TRRAP: variants seen among roughly 807,000 people sequenced by gnomAD.
TRRAP encodes transformation/transcription domain associated protein, also known as transformation/transcription domain-associated protein.
Under a neutral mutation model 438.8 loss-of-function variants are expected in TRRAP, and 41 were observed. The ratio of observed to expected loss-of-function variants is 0.09; its 90% CI spans 0.07 to 0.12. The LOEUF (loss-of-function observed/expected upper bound fraction) is 0.12, where lower values mean the gene tolerates loss of function less well. TRRAP is among the 10% of genes least tolerant of loss of function. The pLI is 1.00. For synonymous variants in TRRAP, 1,994 were observed against 1,962.9 expected, an observed-to-expected ratio of 1.02 and a Z score of -0.42; for missense variants, 3,122 against 5,055.1, an observed-to-expected ratio of 0.62 and a Z score of 11.60.
chr7:98,975,963 A>T, intron 53 of TRRAP, 186 bp from the exon 54 acceptor site: 1 of 740,644 alleles, frequency 1.4e-6, no homozygotes, highest in Non-Finnish European at 2.1e-6. Flanking sequence ...TAAGTGCACC[A>T]TGGCTTCCCA....
At chr7:98,890,862 C>A (rs1464632940) in intron 4 of TRRAP, among the ~76,000 whole-genome samples, 2 of 140,224 alleles carry the variant, frequency 1.4e-5, no homozygotes, top group African/African-American at 2.6e-5. Context: ...CCAATCGTAG[C>A]TCACTGCAGC....
At chr7:98,990,334 A>T (rs1411986553) in intron 63 of TRRAP, 121 bp from the exon 64 acceptor site, 1 of 996,450 alleles carries the variant, frequency 1.0e-6, no homozygotes, top group African/African-American at 1.6e-5. Context: ...CTGCTTATAG[A>T]TACTTTTTTT....
chr7:98,906,838 C>T (rs1404002113), intron 13 of TRRAP, among the ~76,000 whole-genome samples: 1 of 152,010 alleles, frequency 6.6e-6, no homozygotes, highest in Non-Finnish European at 1.5e-5. Flanking sequence ...AAAACTTTAT[C>T]TGACTTTATT....
chr7:98,899,968 C>G (rs1292044688), intron 10 of TRRAP, among the ~76,000 whole-genome samples: 3 of 152,184 alleles, frequency 2.0e-5, no homozygotes, highest in African/African-American at 7.2e-5. Flanking sequence ...GAGATAATAG[C>G]TCGTATTCTG....
In TRRAP at chr7:98,992,321, C is replaced by G. The variant is rs542556177; in HGVS notation, c.9847+94C>G. 65 of 1,299,646 alleles carry G rather than the reference C, an allele frequency of 5.0e-5. No homozygotes were observed. The East Asian group carries it at 5.1e-4, about 10-fold the overall frequency. The allele number at this position is 1,299,646 out of a possible 1,614,324, so 80.5% of individuals were successfully genotyped here. Reference sequence around the variant, plus strand: ...ACAGACCACCGCAGCCACCCCTGCCCTGCAGCTCACTCATAGCCGTGGCCA... The same window carrying G: ...ACAGACCACCGCAGCCACCCCTGCCGTGCAGCTCACTCATAGCCGTGGCCA... On this transcript the variant is annotated intron_variant, in intron 65 of 72. Coordinates refer to ENST00000456197, the MANE Select transcript of TRRAP (RefSeq NM_001375524.1).
Position 98,964,783 on chromosome 7 carries a change from G to A in TRRAP, c.6976+8G>A. ...GCACCGAAGCCACCTCAGGTGATGT[G>A]CTGGCCACCGGGGGCCTTTCCTCAG... On this transcript the variant is annotated splice_region_variant and intron_variant, in intron 48 of 72. Coordinates refer to ENST00000456197, the MANE Select transcript of TRRAP (RefSeq NM_001375524.1). 6.2e-7 allele frequency: 1 copy of A among 1,609,644 alleles called. No individual in the cohort carries two copies. The highest frequency in any genetic ancestry group is 8.5e-7 in the Non-Finnish European group (1 of 1,177,654).
At chr7:98,986,610 C>G (rs1793160995) in intron 62 of TRRAP, among the ~76,000 whole-genome samples, 1 of 152,150 alleles carries the variant, frequency 6.6e-6, no homozygotes. Flanking sequence ...AAGTCTCTTG[C>G]AGATATATGA....
At chr7:98,966,938 T>G in intron 49 of TRRAP, 103 bp from the exon 50 acceptor site, 9 of 1,255,992 alleles carry the variant, frequency 7.2e-6, no homozygotes, top group Non-Finnish European at 8.8e-6. Flanking sequence ...TGTTTAGGAA[T>G]GACCTTGTCT....
At chr7:99,006,317 T>A (rs956404736) in intron 69 of TRRAP, among the ~76,000 whole-genome samples, 1 of 152,242 alleles carries the variant, frequency 6.6e-6, no homozygotes, top group African/African-American at 2.4e-5. Context: ...TCAGCCCCTT[T>A]TGACCTGAAA....
chr7:98,880,262 GT>G (rs201053093), intron 1 of TRRAP, among the ~76,000 whole-genome samples: 23,210 of 131,892 alleles, frequency 0.18, 4,906 homozygotes, highest in African/African-American at 0.52. Context: ...TGTTGTTGTT[GT>G]TTTTTTTTTT....
Position 98,917,626 on chromosome 7 carries a change from C to G in TRRAP, c.2569C>G (p.Gln857Glu). ...RTLELCVDNL[Q>E]PDFLYDHIQP... Reference sequence around the variant, plus strand: ...GCTGGAGCTGTGTGTGGACAACCTGCAGCCCGACTTCCTCTACGACCACAT... The same window carrying G: ...GCTGGAGCTGTGTGTGGACAACCTGGAGCCCGACTTCCTCTACGACCACAT... Residue 857 changes from glutamine (Q) to glutamate (E), a missense_variant, in exon 20 of 73, where the codon CAG (glutamine) becomes GAG (glutamate). This residue lies in a region of TRRAP where 20 missense variants were observed against 100.7 expected (regional missense o/e 0.20). Transcript: ENST00000456197. 6.2e-7 allele frequency: 1 copy of G among 1,614,212 alleles called. No homozygotes were observed. The highest frequency in any genetic ancestry group is 8.5e-7 in the Non-Finnish European group (1 of 1,180,050).
chr7:98,951,646 C>T (rs1584352313), intron 39 of TRRAP, among the ~76,000 whole-genome samples: 2 of 152,328 alleles, frequency 1.3e-5, no homozygotes, highest in Non-Finnish European at 1.5e-5. Context: ...TGAGTGATGG[C>T]GTTCCTCATC....
In TRRAP at chr7:98,999,733, G is replaced by GT. The variant is rs1013863522; in HGVS notation, c.10310-4456dup. 1.1e-5 allele frequency: 8 copies of GT among 710,130 alleles called. No individual in the cohort carries two copies. In the African/African-American group the frequency reaches 1.4e-4, roughly 13 times the overall value. 44.0% of individuals were successfully genotyped at this position (710,130 alleles called of 1,614,324 possible). A position where few individuals can be genotyped will look rare whatever the true frequency, so the allele number is the denominator to read the frequency against. ...CACAAGTGGAGGGAGAAAGCAAATG[G>GT]TATATTCAAAGCTACTATTCTGGGG... On this transcript the variant is annotated intron_variant, in intron 67 of 72. Transcript: ENST00000456197.
At position 99,011,103 on chromosome 7, in the gene TRRAP, A is replaced by G; in HGVS notation, c.10990A>G (p.Met3664Val). ...TCAGAGTAACATGGTGCCGCGCAGC[A>G]TGCTCAAGGAGTGGGCGCTGCACAC... ...EVQSNMVPRS[M>V]LKEWALHTFP... is the part of the protein sequence containing the mutation. The change falls in exon 71 of 73, where the codon ATG becomes GTG. Residue 3664 changes from methionine (M) to valine (V), a missense_variant. Coordinates refer to ENST00000456197, the MANE Select transcript of TRRAP (RefSeq NM_001375524.1). This position sits in a 1 kb window ranked among gnomAD's most constrained non-coding sequence, Gnocchi z 7.1. 6.2e-7 allele frequency: 1 copy of G among 1,614,186 alleles called. No homozygotes were observed. Among genetic ancestry groups the G allele is most frequent in the Non-Finnish European group, 8.5e-7 (1 of 1,180,044 alleles).
At chr7:98,974,758 G>A (rs1258335899) in intron 53 of TRRAP, among the ~76,000 whole-genome samples, 1 of 152,166 alleles carries the variant, frequency 6.6e-6, no homozygotes, top group African/African-American at 2.4e-5. Flanking sequence ...TACTAGGTAG[G>A]TTTCCAGGTA....
At chr7:98,986,377 G>A (rs559438545) in intron 62 of TRRAP, among the ~76,000 whole-genome samples, 23 of 152,226 alleles carry the variant, frequency 1.5e-4, no homozygotes, top group Admixed American at 4.6e-4. Flanking sequence ...ACAGTTGGCC[G>A]TACCATTTTT....
chr7:98,956,592 T>G lies in TRRAP; in HGVS notation c.6231+59T>G. 1.3e-6 allele frequency: 2 copies of G among 1,565,732 alleles called. No homozygotes were observed. The highest frequency in any genetic ancestry group is 2.4e-5 in the South Asian group (2 of 83,012). ...ATTCTGCTGGGAGTTGGTTCGTTTA[T>G]TCCCTATATTTAGAATGTGAGCTCG... is the stretch of plus-strand genomic sequence containing the variant. On this transcript the variant is annotated intron_variant, in intron 43 of 72. Coordinates refer to ENST00000456197, the MANE Select transcript of TRRAP (RefSeq NM_001375524.1). This position sits in a 1 kb window ranked among gnomAD's most constrained non-coding sequence, Gnocchi z 4.5.
At position 98,956,613 on chromosome 7, in the gene TRRAP, G is replaced by A. The variant is rs1406286225; in HGVS notation, c.6231+80G>A. 1.9e-6 allele frequency: 3 copies of A among 1,539,260 alleles called. No homozygotes were observed. The highest frequency in any genetic ancestry group is 2.5e-5 in the South Asian group (2 of 78,464). On this transcript the variant is annotated intron_variant, in intron 43 of 72. Coordinates refer to ENST00000456197, the MANE Select transcript of TRRAP (RefSeq NM_001375524.1). This position sits in a 1 kb window ranked among gnomAD's most constrained non-coding sequence, Gnocchi z 4.5. ...TTTATTCCCTATATTTAGAATGTGA[G>A]CTCGGTGCTCAGCTGCATTCAGGAG...
intron 13 of TRRAP, among the ~76,000 whole-genome samples, chr7:98,906,539 C>T (rs560218731): frequency 3.9e-5 from 6 of 152,154 alleles, no homozygotes; most frequent in Admixed American, 2.6e-4. Context: ...TCAAGCAATT[C>T]TCCCTGCCTC....
Sources: gnomAD v4.1 joint callset for allele counts (sites outside exome capture counted in the v4.1 genomes callset) on GRCh38, gnomAD v4.1.1 for gene constraint, gnomAD v4.1.1 regional missense constraint, Gnocchi (gnomAD v3.1) non-coding constraint, MANE v1.5 for transcripts, NCBI Gene and HGNC (gene_info 2026-07-23, HGNC 2026-07-21) for gene names.